The following PPM1H variants were observed in gnomAD, a reference collection of about 807,000 sequenced individuals.
PPM1H encodes the protein protein phosphatase, Mg2+/Mn2+ dependent 1H.
A neutral mutation model predicts 54.9 loss-of-function variants in PPM1H; 27 were observed. That is an observed-to-expected ratio of 0.49 (90% CI 0.36 to 0.68). The LOEUF is 0.68. Ranked by LOEUF, PPM1H falls within the 30% of genes least tolerant of loss-of-function variation. PPM1H has a pLI of 0.00. For missense variants in PPM1H, 596 were observed against 667.8 expected, an observed-to-expected ratio of 0.89 and a Z score of 1.19; for synonymous variants, 305 against 270.8, an observed-to-expected ratio of 1.13 and a Z score of -1.24.
chr12:62,854,513 G>T (rs1454365425), intron 1 of PPM1H, among the ~76,000 whole-genome samples: 1 of 152,132 alleles, frequency 6.6e-6, no homozygotes, highest in East Asian at 1.9e-4. Flanking sequence ...GTTACTGATA[G>T]CTCAGTTTCT....
chr12:62,664,632 A>T (rs1348944666), intron 9 of PPM1H, among the ~76,000 whole-genome samples: 1 of 152,194 alleles, frequency 6.6e-6, no homozygotes, highest in African/African-American at 2.4e-5. Flanking sequence ...CACATTAGAC[A>T]TTCTTATTAC....
intron 5 of PPM1H, 101 bp downstream of exon 5, chr12:62,737,401 C>A (rs148376437): frequency 2.9e-6 from 2 of 696,938 alleles, no homozygotes; most frequent in Admixed American, 3.2e-5. Flanking sequence ...CATTTGAATG[C>A]GGTGAGCCTG....
chr12:62,775,420 A>G (rs895151963), intron 4 of PPM1H, among the ~76,000 whole-genome samples: 1 of 152,198 alleles, frequency 6.6e-6, no homozygotes, highest in Non-Finnish European at 1.5e-5. Context: ...GTTTATACAC[A>G]GGAGAATTTG....
chr12:62,657,309 G>C (rs953374271), intron 9 of PPM1H, among the ~76,000 whole-genome samples: 2 of 152,190 alleles, frequency 1.3e-5, no homozygotes, highest in African/African-American at 4.8e-5. Flanking sequence ...TTCAATACGA[G>C]GGGGCATAAT....
At chr12:62,727,544 C>T (rs2120489089) in intron 5 of PPM1H, among the ~76,000 whole-genome samples, 1 of 151,782 alleles carries the variant, frequency 6.6e-6, no homozygotes, top group East Asian at 1.9e-4. Flanking sequence ...ATTTTACAAT[C>T]CTAAGAATAC....
chr12:62,787,446 A>G (rs147215298), intron 4 of PPM1H, among the ~76,000 whole-genome samples: 135 of 152,324 alleles, frequency 8.9e-4, no homozygotes, highest in South Asian at 3.5e-3. Context: ...AGAAGTGTGT[A>G]ATACATGTTA....
At chr12:62,692,971 C>G (rs1390229735) in intron 7 of PPM1H, among the ~76,000 whole-genome samples, 1 of 105,584 alleles carries the variant, frequency 9.5e-6, no homozygotes, top group Non-Finnish European at 1.9e-5. Context: ...ACACTCTGCC[C>G]ATGGAAGGCA....
chr12:62,781,194 G>A (rs2120679756), intron 4 of PPM1H, among the ~76,000 whole-genome samples: 1 of 152,348 alleles, frequency 6.6e-6, no homozygotes, highest in South Asian at 2.1e-4. Context: ...GCAGGAAGAG[G>A]AGGCTGACAT....
At chr12:62,694,696 C>T (rs986568647) in intron 6 of PPM1H, among the ~76,000 whole-genome samples, 4 of 152,100 alleles carry the variant, frequency 2.6e-5, no homozygotes, top group African/African-American at 7.2e-5. Flanking sequence ...AACAAACAAG[C>T]GAACAAACAA....
At chr12:62,858,344 T>A (rs910576227) in intron 1 of PPM1H, among the ~76,000 whole-genome samples, 6 of 152,152 alleles carry the variant, frequency 3.9e-5, no homozygotes, top group Admixed American at 1.3e-4. Context: ...CAGGCACCAA[T>A]TGAGATTGGC....
intron 1 of PPM1H, among the ~76,000 whole-genome samples, chr12:62,879,667 C>T (rs994995794): frequency 6.6e-6 from 1 of 151,722 alleles, no homozygotes; most frequent in African/African-American, 2.4e-5. Context: ...GTGTAAATGA[C>T]GAGTTGATGG....
chr12:62,817,161 G>GAAAAAAAA, intron 2 of PPM1H, among the ~76,000 whole-genome samples: 1 of 75,296 alleles, frequency 1.3e-5, no homozygotes, highest in Non-Finnish European at 2.9e-5. Context: ...CTAAAAAAAA[G>GAAAAAAAA]AAAAAAAAAA....
intron 4 of PPM1H, among the ~76,000 whole-genome samples, chr12:62,748,100 G>A (rs1298649008): frequency 2.0e-5 from 3 of 152,084 alleles, no homozygotes; most frequent in Admixed American, 6.6e-5. Flanking sequence ...CCAAGTGGCC[G>A]GGCGCAGTAG....
chr12:62,756,075 T>C, intron 4 of PPM1H: 4 of 1,134,726 alleles, frequency 3.5e-6, no homozygotes, highest in Non-Finnish European at 4.0e-6. Context: ...GGTTGTCTCC[T>C]CTGATTTTAA....
At chr12:62,920,382 G>A (rs1175015099) in intron 1 of PPM1H, among the ~76,000 whole-genome samples, 1 of 151,808 alleles carries the variant, frequency 6.6e-6, no homozygotes, top group African/African-American at 2.4e-5. Context: ...GCTGGAGTGT[G>A]GTAGTGTGAT....
intron 1 of PPM1H, among the ~76,000 whole-genome samples, chr12:62,847,170 G>A (rs952570351): frequency 1.3e-5 from 2 of 152,212 alleles, no homozygotes; most frequent in Admixed American, 6.5e-5. Flanking sequence ...AAGGGGAAGA[G>A]AGGGAGAGAC....
chr12:62,926,914 A>G (rs1033042407), intron 1 of PPM1H, among the ~76,000 whole-genome samples: 2 of 152,230 alleles, frequency 1.3e-5, no homozygotes, highest in African/African-American at 4.8e-5. Flanking sequence ...AGATTGTGCC[A>G]TTGCACTCCA....
At chr12:62,708,953 T>A (rs543447020) in intron 6 of PPM1H, among the ~76,000 whole-genome samples, 1 of 152,200 alleles carries the variant, frequency 6.6e-6, no homozygotes, top group African/African-American at 2.4e-5. Flanking sequence ...GTAATTTTCA[T>A]ACGTCATATT....
At chr12:62,713,051 G>C (rs1056039113) in intron 6 of PPM1H, among the ~76,000 whole-genome samples, 1 of 152,194 alleles carries the variant, frequency 6.6e-6, no homozygotes, top group Non-Finnish European at 1.5e-5. Context: ...TAAAGAATAA[G>C]ATAGAAGCTG....
Sources: allele counts gnomAD v4.1 joint callset (sites outside exome capture counted in the v4.1 genomes callset), GRCh38; gene constraint gnomAD v4.1.1; transcripts MANE v1.5; gene names NCBI Gene and HGNC (gene_info 2026-07-23, HGNC 2026-07-21).